SPATA2: variants seen among roughly 807,000 people sequenced by gnomAD.
SPATA2 encodes the protein spermatogenesis associated 2.
SPATA2 carries 8 observed loss-of-function variants against 35.4 expected under a neutral mutation model. The observed-to-expected ratio is 0.23, with a 90% CI of 0.13 to 0.41. SPATA2 has a LOEUF of 0.41. Ranked by LOEUF, SPATA2 falls within the 10% of genes least tolerant of loss-of-function variation. The pLI is 1.00. For missense variants in SPATA2, 650 were observed against 698.7 expected (o/e 0.93, Z 0.79); for synonymous variants, 293 against 300.9 (o/e 0.97, Z 0.27).
Position 49,905,896 on chromosome 20 carries a change from A to G in SPATA2, c.1286T>C (p.Leu429Pro), listed in dbSNP as rs1015921367. 6.8e-6 allele frequency: 11 copies of G among 1,612,894 alleles called. No homozygotes were observed. The East Asian group carries it at 1.8e-4, about 26-fold the overall frequency. Reference protein sequence around the residue: ...THDSLAHGASLREKYPGQTQG... With the variant: ...THDSLAHGASPREKYPGQTQG... ...AGTCTGGCCTGGGTACTTCTCCCGC[A>G]GAGATGCCCCGTGGGCCAGGCTGTC... Residue 429 changes from leucine (L) to proline (P), a missense_variant, in exon 3 of 3, where the codon CTG (leucine) becomes CCG (proline). Leu to Pro is a moderately conservative substitution (Grantham distance 98). Coordinates refer to ENST00000289431, the MANE Select transcript of SPATA2 (RefSeq NM_006038.4).
intron 1 of SPATA2, among the ~76,000 whole-genome samples, chr20:49,910,943 G>A (rs893046865): frequency 2.6e-5 from 4 of 152,236 alleles, no homozygotes; most frequent in Non-Finnish European, 5.9e-5. Context: ...GGCCAGGTGC[G>A]GGGGCTCACG....
rs550066478 is a variant in SPATA2, at chr20:49,904,803, T to A, written c.*816A>T. On this transcript the variant is annotated 3_prime_UTR_variant, in exon 3 of 3. Coordinates refer to ENST00000289431, the MANE Select transcript of SPATA2 (RefSeq NM_006038.4). ...ATTTAATAAATAGCTACATAATTCA[T>A]TTTTTTAACCACGTTGAAACACACA... 4.6e-5 allele frequency: 7 copies of A among 152,740 alleles called. No individual in the cohort carries two copies. The South Asian group carries it at 6.2e-4, about 14-fold the overall frequency. 9.5% of individuals were successfully genotyped at this position (152,740 alleles called of 1,614,324 possible). A position where few individuals can be genotyped will look rare whatever the true frequency, so the allele number is the denominator to read the frequency against.
In SPATA2 at chr20:49,908,290, A is replaced by G. The variant is rs2769982; in HGVS notation, c.201T>C (p.Tyr67=). The change falls in exon 2 of 3, where the codon TAT becomes TAC. Residue 67 remains tyrosine, a synonymous_variant. Transcript: ENST00000289431. ...AGCGCAAGGAGCTCTCCACCACCTC[A>G]TAGAACTGGATCAGCCGGAATCGAT... ...PFYRFRLIQF[Y]EVVESSLRSL... 0.48 allele frequency: 781,436 copies of G among 1,614,058 alleles called. 197,571 individuals carry two copies. The highest frequency in any genetic ancestry group is 0.81 in the East Asian group (36,432 of 44,868).
At position 49,915,427 on chromosome 20, in the gene SPATA2, G is replaced by A. The variant is rs950001151; in HGVS notation, c.-150C>T. The A allele has an allele frequency of 1.3e-5, 2 of 152,218 alleles. No homozygotes were observed. The highest frequency in any genetic ancestry group is 4.8e-5 in the African/African-American group (2 of 41,452). The allele number at this position is 152,218 out of a possible 1,614,324, so 9.4% of individuals were successfully genotyped here. A position where few individuals can be genotyped will look rare whatever the true frequency, so the allele number is the denominator to read the frequency against. On this transcript the variant is annotated 5_prime_UTR_variant, in exon 1 of 3. Coordinates refer to ENST00000289431, the MANE Select transcript of SPATA2 (RefSeq NM_006038.4). ...GCCCGGCCGAGGGAAGCAAGCGAGAGGCGCGGCTGCCGCCGGAGCCGGGCC... is the reference window on the plus strand; with the variant it reads ...GCCCGGCCGAGGGAAGCAAGCGAGAAGCGCGGCTGCCGCCGGAGCCGGGCC...
At chr20:49,909,244 A>C (rs900142663) in intron 1 of SPATA2, among the ~76,000 whole-genome samples, 13 of 151,808 alleles carry the variant, frequency 8.6e-5, no homozygotes, top group African/African-American at 3.1e-4. Context: ...GCTGGTCTCG[A>C]ACTCCTGACC....
rs748963142 is a variant in SPATA2, at chr20:49,905,710, G to A, written c.1472C>T (p.Pro491Leu). The A allele has an allele frequency of 6.8e-6, 11 of 1,614,240 alleles. No homozygotes were observed. The highest frequency in any genetic ancestry group is 8.5e-6 in the Non-Finnish European group (10 of 1,180,026). The change falls in exon 3 of 3, where the codon CCC (proline) becomes CTC (leucine). Residue 491 changes from proline (P) to leucine (L), a missense_variant. Physicochemically the swap from Pro to Leu is moderately conservative, Grantham distance 98 (BLOSUM62 -3). Coordinates refer to ENST00000289431, the MANE Select transcript of SPATA2 (RefSeq NM_006038.4). ...DACLSAYHYDPCYKKSELHKF... is the reference protein window; with the variant it reads ...DACLSAYHYDLCYKKSELHKF... ...GTGCAGCTCACTCTTTTTGTAGCAG[G>A]GGTCATAATGGTAAGCGCTGAGGCA...
intron 1 of SPATA2, among the ~76,000 whole-genome samples, chr20:49,911,150 A>G (rs78563210): frequency 1.3e-5 from 2 of 152,306 alleles, no homozygotes; most frequent in East Asian, 3.9e-4. Context: ...GTACCACCCT[A>G]TCTCACCTTC....
rs951383023 is a variant in SPATA2 at position 49,906,906 on chromosome 20, C to G, written c.337-61G>C. The G allele has an allele frequency of 1.3e-6, 2 of 1,539,316 alleles. No individual in the cohort carries two copies. The highest frequency in any genetic ancestry group is 1.3e-5 in the South Asian group (1 of 79,880). On this transcript the variant is annotated intron_variant, in intron 2 of 2. Coordinates refer to ENST00000289431, the MANE Select transcript of SPATA2 (RefSeq NM_006038.4). The surrounding 1 kb of genome is among the most constrained non-coding windows in gnomAD (Gnocchi z 8.2). ...TTCTGTCAGAGACACAAGACAGAGA[C>G]TATGTCAAAGCAAAGGATGTCCAGC...
In SPATA2 at chr20:49,905,547, T is replaced by C. The variant is rs2090135195; in HGVS notation, c.*72A>G. On this transcript the variant is annotated 3_prime_UTR_variant, in exon 3 of 3. Coordinates refer to ENST00000289431, the MANE Select transcript of SPATA2 (RefSeq NM_006038.4). Reference sequence around the variant, plus strand: ...GCCTCCGCCTCTGAGATCAATGCGTTAGTACTTCTTCACCGTGAAACCCGA... The same window carrying C: ...GCCTCCGCCTCTGAGATCAATGCGTCAGTACTTCTTCACCGTGAAACCCGA... 1.3e-6 allele frequency: 2 copies of C among 1,538,474 alleles called. No individual in the cohort carries two copies. The highest frequency in any genetic ancestry group is 1.8e-5 in the Admixed American group (1 of 56,722).
At chr20:49,915,272 G>C (rs1037849278) in intron 1 of SPATA2, 108 bp downstream of exon 1, 1 of 152,340 alleles carries the variant, frequency 6.6e-6, no homozygotes, top group African/African-American at 2.4e-5. Context: ...CCTGCCTGCC[G>C]TGAGGGTACC....
intron 1 of SPATA2, among the ~76,000 whole-genome samples, chr20:49,914,435 C>A (rs959481092): frequency 2.0e-5 from 3 of 152,262 alleles, no homozygotes; most frequent in African/African-American, 4.8e-5. Flanking sequence ...CAGGTTTACA[C>A]ATCCCTGGTC....
intron 1 of SPATA2, chr20:49,913,865 T>G (rs1437032018): frequency 6.6e-6 from 1 of 152,130 alleles, no homozygotes; most frequent in Non-Finnish European, 1.5e-5. Context: ...GTGTTTTTTC[T>G]GAGCACAGAG....
In SPATA2 at chr20:49,906,143, A is replaced by G; in HGVS notation, c.1039T>C (p.Tyr347His). The change falls in exon 3 of 3, where the codon TAC (tyrosine) becomes CAC (histidine). Residue 347 changes from tyrosine to histidine, a missense_variant. Physicochemically the swap from Tyr to His is moderately conservative, Grantham distance 83. Coordinates refer to ENST00000289431, the MANE Select transcript of SPATA2 (RefSeq NM_006038.4). This position sits in a 1 kb window ranked among gnomAD's most constrained non-coding sequence, Gnocchi z 8.2. Reference protein sequence around the residue: ...LYTDSEPRATYRRQDALRPDV... With the variant: ...LYTDSEPRATHRRQDALRPDV... Reference sequence around the variant, plus strand: ...GGCCGCAGAGCATCCTGCCGACGGTAGGTGGCCCTGGGTTCAGAGTCTGTG... The same window carrying G: ...GGCCGCAGAGCATCCTGCCGACGGTGGGTGGCCCTGGGTTCAGAGTCTGTG... 1 of 1,609,730 alleles carries G rather than the reference A, an allele frequency of 6.2e-7. No homozygotes were observed. Among genetic ancestry groups the G allele is most frequent in the Non-Finnish European group, 8.5e-7 (1 of 1,177,694 alleles).
At chr20:49,914,443 G>A (rs1174259254) in intron 1 of SPATA2, among the ~76,000 whole-genome samples, 2 of 151,992 alleles carry the variant, frequency 1.3e-5, no homozygotes, top group Admixed American at 6.6e-5. Flanking sequence ...CACATCCCTG[G>A]TCTAGCTCCA....
At position 49,904,394 on chromosome 20, in the gene SPATA2, TGAAGA is replaced by T. The variant is rs2090127727; in HGVS notation, c.*1220_*1224del. 2 of 152,610 alleles carry T rather than the reference TGAAGA, an allele frequency of 1.3e-5. No homozygotes were observed. Among genetic ancestry groups the T allele is most frequent in the South Asian group, 4.2e-4 (2 of 4,814 alleles). The allele number at this position is 152,610 out of a possible 1,614,324, so 9.5% of individuals were successfully genotyped here. ...GTTGCAGATGAGTCCTGGAAACTGG[TGAAGA>T]GAAGAGGATTGAGATGGAGGGGCAG... On this transcript the variant is annotated 3_prime_UTR_variant, in exon 3 of 3. Coordinates refer to ENST00000289431, the MANE Select transcript of SPATA2 (RefSeq NM_006038.4).
In SPATA2 at chr20:49,906,151, C is replaced by T. The variant is rs754558074; in HGVS notation, c.1031G>A (p.Arg344Lys). The T allele has an allele frequency of 3.1e-6, 5 of 1,607,720 alleles. No individual in the cohort carries two copies. In the African/African-American group the frequency reaches 6.7e-5, roughly 21 times the overall value. Residue 344 changes from arginine (R) to lysine (K), a missense_variant, in exon 3 of 3, where the codon AGG becomes AAG. Arg to Lys is a conservative substitution (Grantham distance 26, BLOSUM62 2). Transcript: ENST00000289431. The surrounding 1 kb of genome is among the most constrained non-coding windows in gnomAD (Gnocchi z 8.2). The part of the protein sequence containing the change: ...DVDLYTDSEP[R>K]ATYRRQDALR... ...AGCATCCTGCCGACGGTAGGTGGCC[C>T]TGGGTTCAGAGTCTGTGTACAGATC...
Position 49,908,248 on chromosome 20 carries a change from G to C in SPATA2, c.243C>G (p.Ser81Arg). ...ESSLRSLSSS[S>R]LRALHGAFSM... ...TGAAGGCGCCGTGCAGAGCCCGCAG[G>C]CTAGAGGAGCTGAGCGAGCGCAAGG... is the stretch of plus-strand genomic sequence containing the variant. The change falls in exon 2 of 3, where the codon AGC becomes AGG. Residue 81 changes from serine (S) to arginine (R), a missense_variant. By Grantham distance (110) the Ser-to-Arg change is moderately radical (BLOSUM62 -1). Coordinates refer to ENST00000289431, the MANE Select transcript of SPATA2 (RefSeq NM_006038.4). The C allele has an allele frequency of 6.2e-7, 1 of 1,614,198 alleles. No homozygotes were observed. Among genetic ancestry groups the C allele is most frequent in the Non-Finnish European group, 8.5e-7 (1 of 1,180,052 alleles).
At position 49,906,634 on chromosome 20, in the gene SPATA2, A is replaced by G; in HGVS notation, c.548T>C (p.Val183Ala). 6.2e-7 allele frequency: 1 copy of G among 1,614,144 alleles called. No homozygotes were observed. Among genetic ancestry groups the G allele is most frequent in the South Asian group, 1.1e-5 (1 of 91,086 alleles). ...CEQMLEIHSQ[V>A]KDKGYSELDI... ...CAGCTCGGAGTAGCCCTTGTCCTTC[A>G]CTTGTGAGTGGATTTCTAGCATCTG... Residue 183 changes from valine (V) to alanine (A), a missense_variant, in exon 3 of 3, where the codon GTG becomes GCG. Coordinates refer to ENST00000289431, the MANE Select transcript of SPATA2 (RefSeq NM_006038.4). This position sits in a 1 kb window ranked among gnomAD's most constrained non-coding sequence, Gnocchi z 8.2.
At chr20:49,907,574 C>T (rs1225947412) in intron 2 of SPATA2, among the ~76,000 whole-genome samples, 1 of 148,400 alleles carries the variant, frequency 6.7e-6, no homozygotes, top group African/African-American at 2.4e-5. Context: ...GGTGACAGCT[C>T]TCCTGTGCCA....
Sources: gnomAD v4.1 joint callset for allele counts (sites outside exome capture counted in the v4.1 genomes callset) on GRCh38, gnomAD v4.1.1 for gene constraint, Gnocchi (gnomAD v3.1) non-coding constraint, MANE v1.5 for transcripts, NCBI Gene and HGNC (gene_info 2026-07-23, HGNC 2026-07-21) for gene names.